SLCO5A1: variants seen among roughly 807,000 people sequenced by gnomAD.
The protein encoded by SLCO5A1 is solute carrier organic anion transporter family member 5A1.
In SLCO5A1, 39 loss-of-function variants were observed where a neutral mutation model predicts 65.1. The observed-to-expected ratio is 0.60, with a 90% CI of 0.46 to 0.78. The LOEUF is 0.78. Among genes scored for constraint, SLCO5A1 ranks in the 30% least tolerant of loss-of-function variants. The pLI, the probability that SLCO5A1 is intolerant of heterozygous loss-of-function variation, is 0.00. For synonymous variants in SLCO5A1, 438 were observed against 415.7 expected (o/e 1.05, Z -0.65); for missense variants, 1,029 against 1,069.4 (o/e 0.96, Z 0.53).
chr8:69,742,628 A>G (rs1013934022), intron 4 of SLCO5A1, among the ~76,000 whole-genome samples: 10 of 152,104 alleles, frequency 6.6e-5, no homozygotes, highest in Non-Finnish European at 1.3e-4. Context: ...CCAGGTGCAT[A>G]TCGATGACAG....
intron 5 of SLCO5A1, among the ~76,000 whole-genome samples, chr8:69,728,583 A>C (rs542426395): frequency 1.3e-5 from 2 of 152,364 alleles, no homozygotes; most frequent in East Asian, 3.9e-4. Context: ...TGAACAAAAC[A>C]AACTACAAAA....
At chr8:69,688,171 C>T (rs1814081717) in intron 6 of SLCO5A1, among the ~76,000 whole-genome samples, 1 of 152,062 alleles carries the variant, frequency 6.6e-6, no homozygotes, top group Admixed American at 6.5e-5. Context: ...CATATATTTA[C>T]ATCTAGAAAT....
chr8:69,809,982 G>A (rs1820150723), intron 2 of SLCO5A1, among the ~76,000 whole-genome samples: 1 of 152,168 alleles, frequency 6.6e-6, no homozygotes, highest in Non-Finnish European at 1.5e-5. Context: ...ACTGGACTAT[G>A]CCTAACCCAG....
At chr8:69,743,323 T>G (rs991265015) in intron 4 of SLCO5A1, among the ~76,000 whole-genome samples, 1 of 152,174 alleles carries the variant, frequency 6.6e-6, no homozygotes, top group African/African-American at 2.4e-5. Context: ...TAATTTAAAG[T>G]CTGTATTTGA....
intron 2 of SLCO5A1, among the ~76,000 whole-genome samples, chr8:69,768,383 G>A (rs867729735): frequency 7.2e-5 from 11 of 152,136 alleles, no homozygotes; most frequent in Admixed American, 5.2e-4. Context: ...AGATGTACAG[G>A]TTACACATCA....
At chr8:69,814,276 A>G (rs1820319731) in intron 2 of SLCO5A1, among the ~76,000 whole-genome samples, 1 of 152,200 alleles carries the variant, frequency 6.6e-6, no homozygotes, top group Non-Finnish European at 1.5e-5. Flanking sequence ...GCAAGAAAAC[A>G]TCTGCAAGCC....
intron 5 of SLCO5A1, among the ~76,000 whole-genome samples, chr8:69,726,550 A>G (rs147066641): frequency 0.026 from 3,534 of 137,972 alleles, 158 homozygotes; most frequent in African/African-American, 0.093. Context: ...CCCAGGCTGG[A>G]GTGCAGTGGT....
chr8:69,738,338 A>T (rs1277629306), intron 4 of SLCO5A1, 134 bp from the exon 5 acceptor site: 3 of 795,720 alleles, frequency 3.8e-6, no homozygotes, highest in Non-Finnish European at 5.6e-6. Context: ...AAATAGAAAG[A>T]TCTGATGACG....
intron 4 of SLCO5A1, among the ~76,000 whole-genome samples, chr8:69,748,899 G>T (rs927634931): frequency 2.0e-5 from 3 of 152,174 alleles, no homozygotes; most frequent in Non-Finnish European, 4.4e-5. Flanking sequence ...TGTAGGCTGG[G>T]TTTGAGAACC....
chr8:69,747,268 T>C (rs545838286), intron 4 of SLCO5A1, among the ~76,000 whole-genome samples: 1 of 152,250 alleles, frequency 6.6e-6, no homozygotes, highest in Admixed American at 6.5e-5. Flanking sequence ...ATCCCATGGG[T>C]GCAAATTATT....
At chr8:69,731,658 T>A (rs1816340832) in intron 5 of SLCO5A1, among the ~76,000 whole-genome samples, 1 of 152,226 alleles carries the variant, frequency 6.6e-6, no homozygotes, top group East Asian at 1.9e-4. Flanking sequence ...TTCAGCATGA[T>A]ATTAATACAT....
chr8:69,829,933 A>G (rs189165660), intron 2 of SLCO5A1, among the ~76,000 whole-genome samples: 10 of 152,332 alleles, frequency 6.6e-5, no homozygotes, highest in African/African-American at 2.4e-4. Context: ...TAAAGCAAGC[A>G]TGACAAAATA....
chr8:69,688,787 G>T (rs535770871), intron 6 of SLCO5A1, among the ~76,000 whole-genome samples: 1 of 152,032 alleles, frequency 6.6e-6, no homozygotes, highest in Non-Finnish European at 1.5e-5. Flanking sequence ...GAATAGTCCC[G>T]CAATAAACAT....
intron 2 of SLCO5A1, among the ~76,000 whole-genome samples, chr8:69,825,880 T>C (rs1460950582): frequency 1.3e-5 from 2 of 152,164 alleles, no homozygotes; most frequent in Non-Finnish European, 2.9e-5. Flanking sequence ...CTTCAAACTA[T>C]ACTACAAGCC....
At chr8:69,757,068 A>T (rs1052823595) in intron 3 of SLCO5A1, among the ~76,000 whole-genome samples, 3 of 152,264 alleles carry the variant, frequency 2.0e-5, no homozygotes, top group African/African-American at 7.2e-5. Context: ...TTCATTTTTT[A>T]AAATAATGTT....
chr8:69,798,423 G>A (rs992812264), intron 2 of SLCO5A1, among the ~76,000 whole-genome samples: 1 of 152,142 alleles, frequency 6.6e-6, no homozygotes, highest in Non-Finnish European at 1.5e-5. Context: ...CTGCTGATGA[G>A]GCCTCAGGAA....
In SLCO5A1 at chr8:69,824,078, C is replaced by T. The variant is rs983632620; in HGVS notation, c.907+7689G>A. ...AAATAAAGATGTTCTTTGAAACCAA[C>T]GAGAACAAAGACACAACATACCAGA... On this transcript the variant is annotated intron_variant, in intron 2 of 9. Coordinates refer to ENST00000260126, the MANE Select transcript of SLCO5A1 (RefSeq NM_030958.3). 3.4e-3 allele frequency among the ~76,000 whole-genome samples: 524 copies of T among 152,018 alleles called. 3 individuals are homozygous for T. The highest frequency in any genetic ancestry group is 0.012 in the African/African-American group (492 of 41,470).
intron 5 of SLCO5A1, among the ~76,000 whole-genome samples, chr8:69,728,495 G>C (rs1032114626): frequency 6.6e-6 from 1 of 152,054 alleles, no homozygotes; most frequent in African/African-American, 2.4e-5. Context: ...CAATATATCA[G>C]ATATAACCAA....
intron 2 of SLCO5A1, chr8:69,772,852 G>A (rs1008751737): frequency 9.3e-5 from 77 of 825,456 alleles, no homozygotes; most frequent in Admixed American, 6.8e-4. Context: ...ACTGGGACAG[G>A]GAGGGCTCAC....
Sources: gnomAD v4.1 joint callset for allele counts (sites outside exome capture counted in the v4.1 genomes callset) on GRCh38, gnomAD v4.1.1 for gene constraint, MANE v1.5 for transcripts, NCBI Gene and HGNC (gene_info 2026-07-23, HGNC 2026-07-21) for gene names.